The following POGLUT2 variants were observed in gnomAD, a reference collection of about 807,000 sequenced individuals.
POGLUT2 encodes ER protein 58.
A neutral mutation model predicts 57.6 loss-of-function variants in POGLUT2; 47 were observed. That is an observed-to-expected ratio of 0.82 (90% confidence interval 0.65 to 1.04). POGLUT2 has a LOEUF of 1.04. POGLUT2 is among the 50% of genes least tolerant of loss of function. The pLI is 0.00. For synonymous variants in POGLUT2, 200 were observed against 218.8 expected (o/e 0.91, Z 0.76); for missense variants, 565 against 614.8 (o/e 0.92, Z 0.86).
intron 2 of POGLUT2, among the ~76,000 whole-genome samples, chr13:102,795,250 CAAAAAAAAAA>C (rs58015405): frequency 2.3e-5 from 1 of 42,652 alleles, no homozygotes; most frequent in African/African-American, 7.8e-5. Flanking sequence ...GACATCGTCT[CAAAAAAAAAA>C]AAAAAAAAAA....
intron 9 of POGLUT2, among the ~76,000 whole-genome samples, chr13:102,785,796 C>G (rs890352199): frequency 2.6e-5 from 4 of 152,186 alleles, no homozygotes; most frequent in Non-Finnish European, 5.9e-5. Flanking sequence ...GTGGTATCAA[C>G]TGAGATGACT....
chr13:102,795,007 A>G (rs1421752492), intron 2 of POGLUT2, among the ~76,000 whole-genome samples: 1 of 150,790 alleles, frequency 6.6e-6, no homozygotes, highest in African/African-American at 2.4e-5. Flanking sequence ...TAATCCCAGC[A>G]CTTTGGGAGG....
chr13:102,786,238 C>G lies in POGLUT2; in HGVS notation c.1485G>C (p.Arg495Ser). The change falls in exon 9 of 10, where the codon AGG (arginine) becomes AGC (serine). Residue 495 changes from arginine (R) to serine (S), a missense_variant. By Grantham distance (110) the Arg-to-Ser change is moderately radical. Coordinates refer to ENST00000376004, the MANE Select transcript of POGLUT2 (RefSeq NM_024089.3). ...EDDLFPCTCH[R>S]KKTKDEL ...TAAGCTCAGTTCTGGTTACCTTTTT[C>G]CTATGGCAAGTACAAGGGAAGAGGT... The G allele has an allele frequency of 6.2e-7, 1 of 1,607,758 alleles. No individual in the cohort carries two copies. The highest frequency in any genetic ancestry group is 8.5e-7 in the Non-Finnish European group (1 of 1,174,528).
At chr13:102,789,367 GT>G (rs1275414051) in intron 6 of POGLUT2, 146 bp from the exon 7 acceptor site, 2 of 640,462 alleles carry the variant, frequency 3.1e-6, no homozygotes, top group Non-Finnish European at 5.4e-6. Flanking sequence ...TTTAGTAAGT[GT>G]TATTAAACAA....
rs553053263 is a variant in POGLUT2 at position 102,786,713 on chromosome 13, T to C, written c.1384-374A>G. Among the ~76,000 whole-genome samples, 23 of 152,312 alleles carry C rather than the reference T, an allele frequency of 1.5e-4. No homozygotes were observed. In the South Asian group the frequency reaches 4.8e-3, roughly 32 times the overall value. On this transcript the variant is annotated intron_variant, in intron 8 of 9. Transcript: ENST00000376004. ...TGGCTTGCACAAGCCTCCATCATCA[T>C]CTTCATTTATCATGTGCTTACTCTG...
intron 9 of POGLUT2, 137 bp downstream of exon 9, chr13:102,786,095 G>A (rs960345750): frequency 6.3e-6 from 4 of 637,198 alleles, no homozygotes; most frequent in Non-Finnish European, 1.1e-5. Context: ...CTATCTCTCT[G>A]GCAGACTGAA....
intron 2 of POGLUT2, among the ~76,000 whole-genome samples, chr13:102,795,676 A>G (rs1483860783): frequency 1.3e-5 from 2 of 152,214 alleles, no homozygotes; most frequent in East Asian, 3.8e-4. Flanking sequence ...ATTCCTTTTT[A>G]TAATTCTCAG....
At chr13:102,794,593 A>G (rs1468411424) in intron 2 of POGLUT2, among the ~76,000 whole-genome samples, 2 of 152,148 alleles carry the variant, frequency 1.3e-5, no homozygotes, top group African/African-American at 4.8e-5. Context: ...TGAATCTGGG[A>G]GGTGAAGGTT....
rs760747438 is a variant in POGLUT2 at position 102,793,727 on chromosome 13, G to A, written c.468C>T (p.Thr156=). The stretch of plus-strand genomic sequence containing the variant: ...CCAGATCTCTCTGAATCTGAGCAAT[G>A]GTTTCAGGGCAGTTCATCTCCCGTA... ...AWLREMNCPE[T]IAQIQRDLAH... Residue 156 remains threonine, a synonymous_variant, in exon 3 of 10, where the codon ACC becomes ACT. Coordinates refer to ENST00000376004, the MANE Select transcript of POGLUT2 (RefSeq NM_024089.3). 1 of 1,614,144 alleles carries A rather than the reference G, an allele frequency of 6.2e-7. No homozygotes were observed. Among genetic ancestry groups the A allele is most frequent in the Admixed American group, 1.7e-5 (1 of 60,024 alleles).
At chr13:102,790,656 A>G (rs1878128904) in intron 6 of POGLUT2, among the ~76,000 whole-genome samples, 1 of 152,160 alleles carries the variant, frequency 6.6e-6, no homozygotes, top group African/African-American at 2.4e-5. Flanking sequence ...GGTTAGCTGG[A>G]AAAAAATTAT....
chr13:102,794,789 T>C (rs897050281), intron 2 of POGLUT2, among the ~76,000 whole-genome samples: 2 of 152,154 alleles, frequency 1.3e-5, no homozygotes, highest in African/African-American at 4.8e-5. Flanking sequence ...CAGAGGAGCA[T>C]ACCTATTTTA....
At chr13:102,795,574 C>T (rs1878346729) in intron 2 of POGLUT2, among the ~76,000 whole-genome samples, 1 of 152,026 alleles carries the variant, frequency 6.6e-6, no homozygotes, top group Non-Finnish European at 1.5e-5. Context: ...ACAACAACGG[C>T]AACAAAAAGA....
Position 102,789,139 on chromosome 13 carries a change from T to C in POGLUT2, c.1166A>G (p.Lys389Arg). 1 of 1,614,202 alleles carries C rather than the reference T, an allele frequency of 6.2e-7. No homozygotes were observed. Among genetic ancestry groups the C allele is most frequent in the Non-Finnish European group, 8.5e-7 (1 of 1,180,014 alleles). Reference sequence around the variant, plus strand: ...ATGTTCATAGTAGATGGAATCCTGCTTCAGCACAACACTGTCACCAACTAG... The same window carrying C: ...ATGTTCATAGTAGATGGAATCCTGCCTCAGCACAACACTGTCACCAACTAG... The part of the protein sequence containing the change: ...YLLVGDSVVL[K>R]QDSIYYEHFY... Residue 389 changes from lysine (K) to arginine (R), a missense_variant, in exon 7 of 10, where the codon AAG becomes AGG. Lys to Arg is a conservative substitution (Grantham distance 26). Transcript: ENST00000376004.
intron 4 of POGLUT2, chr13:102,791,907 G>A (rs979743850): frequency 7.4e-6 from 7 of 947,814 alleles, no homozygotes; most frequent in Non-Finnish European, 4.4e-6. Flanking sequence ...AATATGTAAA[G>A]AGGATATGTT....
At chr13:102,790,124 C>A (rs2139088231) in intron 6 of POGLUT2, among the ~76,000 whole-genome samples, 1 of 152,318 alleles carries the variant, frequency 6.6e-6, no homozygotes, top group South Asian at 2.1e-4. Flanking sequence ...TTTCAAAAAT[C>A]TTTGGGATAT....
At chr13:102,786,443 T>G in intron 8 of POGLUT2, 104 bp from the exon 9 acceptor site, 1 of 778,390 alleles carries the variant, frequency 1.3e-6, no homozygotes, top group South Asian at 1.5e-5. Context: ...AACTCATGTG[T>G]GTCAAACTGT....
Position 102,784,461 on chromosome 13 carries a change from A to C in POGLUT2, c.*34T>G. The C allele has an allele frequency of 7.3e-7, 1 of 1,374,878 alleles. No individual in the cohort carries two copies. The highest frequency in any genetic ancestry group is 1.0e-6 in the Non-Finnish European group (1 of 976,464). The allele number at this position is 1,374,878 out of a possible 1,614,324, so 85.2% of individuals were successfully genotyped here. On this transcript the variant is annotated 3_prime_UTR_variant, in exon 10 of 10. Transcript: ENST00000376004. ...CTTTTTAGTTAAGAAGAGTCTTCAG[A>C]GCACCATTATTCTAATAGAAGTTAT...
At chr13:102,786,167 A>T in intron 9 of POGLUT2, 65 bp downstream of exon 9, 2 of 1,066,144 alleles carry the variant, frequency 1.9e-6, no homozygotes, top group Non-Finnish European at 2.9e-6. Context: ...CTATAGGAAT[A>T]AAAGCAAGTT....
At chr13:102,785,382 T>C (rs1243452060) in intron 9 of POGLUT2, among the ~76,000 whole-genome samples, 1 of 152,030 alleles carries the variant, frequency 6.6e-6, no homozygotes, top group Non-Finnish European at 1.5e-5. Flanking sequence ...TTGGTTATAA[T>C]ACCACAATTT....
Sources: gnomAD v4.1 joint callset for allele counts (sites outside exome capture counted in the v4.1 genomes callset) on GRCh38, gnomAD v4.1.1 for gene constraint, MANE v1.5 for transcripts, NCBI Gene and HGNC (gene_info 2026-07-23, HGNC 2026-07-21) for gene names.